Variants in GLIPR1L2 observed in about 807,000 individuals in gnomAD.
The protein encoded by GLIPR1L2 is GLIPR1 like 2.
In GLIPR1L2, 21 loss-of-function variants were observed where a neutral mutation model predicts 28.4. That is an observed-to-expected ratio of 0.74 (90% CI 0.52 to 1.06). The LOEUF is 1.06. Ranked by LOEUF, GLIPR1L2 falls within the 50% of genes least tolerant of loss-of-function variation. The pLI is 0.00. For synonymous variants in GLIPR1L2, 145 were observed against 139.3 expected (o/e 1.04, Z -0.29); for missense variants, 476 against 416.9 (o/e 1.14, Z -1.23).
chr12:75,402,908 A>T, intron 1 of GLIPR1L2: 1 of 436,004 alleles, frequency 2.3e-6, no homozygotes, highest in South Asian at 1.7e-5. Flanking sequence ...TTTGGAATTG[A>T]GCCCATTCTC....
chr12:75,418,746 T>C (rs1371735930), intron 3 of GLIPR1L2, among the ~76,000 whole-genome samples: 1 of 152,174 alleles, frequency 6.6e-6, no homozygotes, highest in Non-Finnish European at 1.5e-5. Flanking sequence ...GGGATAGCAT[T>C]GAATCTATAA....
At chr12:75,423,360 A>AC (rs745889429) in intron 4 of GLIPR1L2, 102 of 1,028,288 alleles carry the variant, frequency 9.9e-5, no homozygotes, top group Non-Finnish European at 1.1e-4. Context: ...TATATTTAAT[A>AC]CCCTTTTCTT....
intron 4 of GLIPR1L2, among the ~76,000 whole-genome samples, chr12:75,425,645 T>C (rs4882625): frequency 0.32 from 48,865 of 152,076 alleles, 8,661 homozygotes; most frequent in East Asian, 0.46. Flanking sequence ...TAAAACAATA[T>C]TTATTGCTTT....
intron 3 of GLIPR1L2, 72 bp from the exon 4 acceptor site, chr12:75,422,831 AC>A (rs1271472164): frequency 5.7e-6 from 7 of 1,219,366 alleles, no homozygotes; most frequent in Non-Finnish European, 8.1e-6. Context: ...AAAATTAGTA[AC>A]TATATTATTT....
intron 4 of GLIPR1L2, chr12:75,423,385 A>C: frequency 1.0e-6 from 1 of 989,508 alleles, no homozygotes. Flanking sequence ...TTTTTCCTCC[A>C]AAAAGCTGAA....
chr12:75,428,814 T>C (rs1484022083), intron 4 of GLIPR1L2, among the ~76,000 whole-genome samples: 1 of 152,244 alleles, frequency 6.6e-6, no homozygotes, highest in Admixed American at 6.5e-5. Context: ...CTCAGGCCAT[T>C]GCTTTAAAGG....
At chr12:75,393,193 T>G (rs1015130757) in intron 1 of GLIPR1L2, among the ~76,000 whole-genome samples, 2 of 152,140 alleles carry the variant, frequency 1.3e-5, no homozygotes, top group African/African-American at 4.8e-5. Flanking sequence ...TACCTTGCTT[T>G]TAAATACCAA....
rs1370646343 is a variant in GLIPR1L2 at position 75,419,693 on chromosome 12, C to T, written c.585-3211C>T. The stretch of plus-strand genomic sequence containing the variant: ...ACTGTTTTAACTGTTTAACTGTGTT[C>T]CACAGTCCTTTAGGTGCAGGATATG... On this transcript the variant is annotated intron_variant, in intron 3 of 5. Transcript: ENST00000550916. 3.3e-5 allele frequency among the ~76,000 whole-genome samples: 5 copies of T among 152,252 alleles called. No individual in the cohort carries two copies. The East Asian group carries it at 5.8e-4, about 18-fold the overall frequency.
At chr12:75,412,304 C>T (rs1353388247) in intron 2 of GLIPR1L2, among the ~76,000 whole-genome samples, 2 of 151,868 alleles carry the variant, frequency 1.3e-5, no homozygotes, top group East Asian at 1.9e-4. Flanking sequence ...CTGGATCAAC[C>T]GTGTTCTCAA....
chr12:75,430,985 A>C lies in GLIPR1L2; in HGVS notation c.859A>C (p.Met287Leu). The part of the protein sequence containing the change: ...QFPNILLEQQ[M>L]IFTPEESEAG... The stretch of plus-strand genomic sequence containing the variant: ...TCCAAATATCTTGTTGGAACAACAA[A>C]TGATATTTACCCCTGAGGAATCTGA... Residue 287 changes from methionine (M) to leucine (L), a missense_variant, in exon 6 of 6, where the codon ATG (methionine) becomes CTG (leucine). Met to Leu is a conservative substitution (Grantham distance 15). Transcript: ENST00000550916. The C allele has an allele frequency of 1.3e-6, 2 of 1,535,832 alleles. No homozygotes were observed. The highest frequency in any genetic ancestry group is 1.7e-6 in the Non-Finnish European group (2 of 1,146,658).
At chr12:75,399,040 T>C (rs2045712160) in intron 1 of GLIPR1L2, among the ~76,000 whole-genome samples, 1 of 152,240 alleles carries the variant, frequency 6.6e-6, no homozygotes, top group Admixed American at 6.5e-5. Flanking sequence ...TTATTTGCTA[T>C]GCTATTTATC....
intron 2 of GLIPR1L2, among the ~76,000 whole-genome samples, chr12:75,413,142 CA>C (rs1255178933): frequency 2.2e-5 from 3 of 137,544 alleles, no homozygotes; most frequent in African/African-American, 8.5e-5. Context: ...GGGAATTGAA[CA>C]ATAAGAACAC....
chr12:75,429,248 G>T (rs1038218820), intron 4 of GLIPR1L2, among the ~76,000 whole-genome samples: 4 of 152,206 alleles, frequency 2.6e-5, no homozygotes, highest in African/African-American at 9.6e-5. Flanking sequence ...CCTACCCCTT[G>T]CATCAGCCCT....
intron 3 of GLIPR1L2, among the ~76,000 whole-genome samples, chr12:75,421,086 C>T (rs1049017093): frequency 6.6e-6 from 1 of 152,102 alleles, no homozygotes; most frequent in Non-Finnish European, 1.5e-5. Context: ...CAGAGGTCCC[C>T]CATCCTTGGG....
chr12:75,418,047 A>T (rs4394867), intron 3 of GLIPR1L2, among the ~76,000 whole-genome samples: 2 of 151,942 alleles, frequency 1.3e-5, no homozygotes, highest in East Asian at 3.9e-4. Flanking sequence ...GTTGACTACA[A>T]GACCTTTCAT....
intron 1 of GLIPR1L2, among the ~76,000 whole-genome samples, chr12:75,391,948 A>G (rs1215744222): frequency 6.7e-6 from 1 of 150,212 alleles, no homozygotes; most frequent in Non-Finnish European, 1.5e-5. Flanking sequence ...CCTAGTCTTG[A>G]CCCTGATTTT....
At chr12:75,393,783 T>C (rs2045655292) in intron 1 of GLIPR1L2, among the ~76,000 whole-genome samples, 2 of 152,242 alleles carry the variant, frequency 1.3e-5, no homozygotes, top group South Asian at 4.1e-4. Context: ...CTGTATCATA[T>C]GATAATTCTG....
At chr12:75,398,740 A>G (rs1158781139) in intron 1 of GLIPR1L2, among the ~76,000 whole-genome samples, 1 of 152,174 alleles carries the variant, frequency 6.6e-6, no homozygotes, top group Admixed American at 6.5e-5. Context: ...TTAAAAAAAG[A>G]AAGAACAGTG....
At position 75,427,568 on chromosome 12, in the gene GLIPR1L2, T is replaced by G. The variant is rs150819062; in HGVS notation, c.671-3147T>G. On this transcript the variant is annotated intron_variant, in intron 4 of 5. Coordinates refer to ENST00000550916, the MANE Select transcript of GLIPR1L2 (RefSeq NM_001270396.2). Reference sequence around the variant, plus strand: ...CTTTGTTGCTATTGGGTTCTCTACGTGAGAACTCATTTATCCTCCTACTAT... The same window carrying G: ...CTTTGTTGCTATTGGGTTCTCTACGGGAGAACTCATTTATCCTCCTACTAT... Among the ~76,000 whole-genome samples, 13 of 152,346 alleles carry G rather than the reference T, an allele frequency of 8.5e-5. No homozygotes were observed. In the East Asian group the frequency reaches 2.3e-3, roughly 27 times the overall value.
Sources: allele counts gnomAD v4.1 joint callset (sites outside exome capture counted in the v4.1 genomes callset), GRCh38; gene constraint gnomAD v4.1.1; transcripts MANE v1.5; gene names NCBI Gene and HGNC (gene_info 2026-07-23, HGNC 2026-07-21).